Variants in GRID1 observed in about 807,000 individuals in gnomAD.
GRID1 encodes glutamate receptor ionotropic, delta-1.
A neutral mutation model predicts 98.0 loss-of-function variants in GRID1; 28 were observed. The observed-to-expected ratio is 0.29, with a 90% CI of 0.21 to 0.39. The LOEUF (loss-of-function observed/expected upper bound fraction) is 0.39. Among genes scored for constraint, GRID1 ranks in the 10% least tolerant of loss-of-function variants. The pLI is 1.00. For synonymous variants in GRID1, 553 were observed against 538.5 expected (o/e 1.03, Z -0.37); for missense variants, 1,111 against 1,340.5 (o/e 0.83, Z 2.67).
At chr10:85,727,601 G>A (rs1444866221) in intron 10 of GRID1, among the ~76,000 whole-genome samples, 1 of 152,186 alleles carries the variant, frequency 6.6e-6, no homozygotes, top group Admixed American at 6.5e-5. Flanking sequence ...AGTAGGCACA[G>A]TGGATGATAG....
At chr10:86,100,137 G>A (rs964631206) in intron 4 of GRID1, among the ~76,000 whole-genome samples, 14 of 152,124 alleles carry the variant, frequency 9.2e-5, no homozygotes, top group Non-Finnish European at 1.5e-5. Flanking sequence ...ATGCCTCAGC[G>A]CCTTATCTCT....
intron 2 of GRID1, among the ~76,000 whole-genome samples, chr10:86,263,833 C>G (rs1013807290): frequency 6.6e-6 from 1 of 152,252 alleles, no homozygotes; most frequent in Non-Finnish European, 1.5e-5. Context: ...CACTGGGTTT[C>G]CCCACCTCAA....
chr10:86,340,556 G>A (rs1848296322), intron 2 of GRID1, among the ~76,000 whole-genome samples: 1 of 152,194 alleles, frequency 6.6e-6, no homozygotes, highest in Non-Finnish European at 1.5e-5. Context: ...GCATGCACTT[G>A]GGAACTCTGC....
intron 5 of GRID1, among the ~76,000 whole-genome samples, chr10:85,901,714 A>G (rs1243157224): frequency 6.6e-6 from 1 of 152,190 alleles, no homozygotes; most frequent in South Asian, 2.1e-4. Flanking sequence ...AATCATATCC[A>G]TGGTGTGTTC....
At chr10:86,203,953 T>G (rs1025615530) in intron 3 of GRID1, among the ~76,000 whole-genome samples, 2 of 152,126 alleles carry the variant, frequency 1.3e-5, no homozygotes, top group Non-Finnish European at 2.9e-5. Flanking sequence ...GTCCTCCAGA[T>G]GAAAGCTACT....
chr10:86,313,802 C>T (rs77338916), intron 2 of GRID1, among the ~76,000 whole-genome samples: 11,026 of 152,260 alleles, frequency 0.072, 917 homozygotes, highest in East Asian at 0.48. Context: ...CATCCCCAGC[C>T]CCCAGACTGG....
At chr10:86,050,258 C>T (rs1843482826) in intron 4 of GRID1, among the ~76,000 whole-genome samples, 1 of 152,170 alleles carries the variant, frequency 6.6e-6, no homozygotes, top group Non-Finnish European at 1.5e-5. Context: ...TCTCTATTGG[C>T]AAAACCTACT....
intron 4 of GRID1, among the ~76,000 whole-genome samples, chr10:85,990,797 A>T (rs1842670569): frequency 6.6e-6 from 1 of 152,300 alleles, no homozygotes; most frequent in Admixed American, 6.5e-5. Context: ...ACAGGAAGTG[A>T]TGTGCTCACA....
intron 8 of GRID1, among the ~76,000 whole-genome samples, chr10:85,787,600 T>C (rs1842441142): frequency 6.6e-6 from 1 of 152,126 alleles, no homozygotes; most frequent in South Asian, 2.1e-4. Flanking sequence ...CCATTTCCCT[T>C]CCAAGAGCCT....
chr10:86,133,715 A>T (rs1844872808), intron 4 of GRID1, among the ~76,000 whole-genome samples: 1 of 152,248 alleles, frequency 6.6e-6, no homozygotes, highest in Non-Finnish European at 1.5e-5. Flanking sequence ...ACTGTAGACA[A>T]GGTCCCATGC....
At position 86,050,986 on chromosome 10, in the gene GRID1, G is replaced by A. The variant is rs191364066; in HGVS notation, c.726+87833C>T. Among the ~76,000 whole-genome samples, 421 of 151,698 alleles carry A rather than the reference G, an allele frequency of 2.8e-3. 1 individual carries two copies. The highest frequency in any genetic ancestry group is 3.6e-3 in the Non-Finnish European group (243 of 67,926). ...ACATATTATTGGGAGGCTGAGGCCG[G>A]AGAATCACTTGAACCCAGGGGACAG... On this transcript the variant is annotated intron_variant, in intron 4 of 15. Coordinates refer to ENST00000327946, the MANE Select transcript of GRID1 (RefSeq NM_017551.3).
chr10:85,688,757 G>A (rs1227909972), intron 12 of GRID1, among the ~76,000 whole-genome samples: 1 of 152,140 alleles, frequency 6.6e-6, no homozygotes, highest in Non-Finnish European at 1.5e-5. Flanking sequence ...ATGGTTTAGG[G>A]TCGCGCTAAT....
intron 2 of GRID1, among the ~76,000 whole-genome samples, chr10:86,293,100 G>A (rs1284638377): frequency 6.6e-6 from 1 of 152,222 alleles, no homozygotes; most frequent in Non-Finnish European, 1.5e-5. Flanking sequence ...AGCTGTGCCG[G>A]CGCTGCCTCT....
At chr10:85,714,180 T>A (rs1445805441) in intron 12 of GRID1, among the ~76,000 whole-genome samples, 2 of 152,000 alleles carry the variant, frequency 1.3e-5, no homozygotes, top group Admixed American at 6.6e-5. Context: ...CACATGTTTT[T>A]ACTTATAAAT....
rs1841450410 is a variant in GRID1 at position 85,905,623 on chromosome 10, C to T, written c.780+10563G>A. On this transcript the variant is annotated intron_variant, in intron 5 of 15. Coordinates refer to ENST00000327946, the MANE Select transcript of GRID1 (RefSeq NM_017551.3). ...CAATTACATTGAGTCGGGAGGGTAA[C>T]ACGGAGGGATACTATTGTAAGATAC... is the stretch of plus-strand genomic sequence containing the variant. Among the ~76,000 whole-genome samples, 10 of 152,008 alleles carry T rather than the reference C, an allele frequency of 6.6e-5. No individual in the cohort carries two copies. In the South Asian group the frequency reaches 2.1e-3, roughly 32 times the overall value.
At chr10:85,742,721 T>G (rs901689525) in intron 8 of GRID1, among the ~76,000 whole-genome samples, 1 of 152,162 alleles carries the variant, frequency 6.6e-6, no homozygotes, top group African/African-American at 2.4e-5. Flanking sequence ...CCATCCCACA[T>G]GCTCTTCTGT....
chr10:86,316,985 T>C (rs918478097), intron 2 of GRID1, among the ~76,000 whole-genome samples: 9 of 152,046 alleles, frequency 5.9e-5, no homozygotes, highest in African/African-American at 1.9e-4. Flanking sequence ...GTGGGGGTGT[T>C]GGGACAGGAA....
At chr10:85,662,181 G>A (rs1276370318) in intron 12 of GRID1, among the ~76,000 whole-genome samples, 2 of 152,182 alleles carry the variant, frequency 1.3e-5, no homozygotes, top group African/African-American at 4.8e-5. Context: ...GTGGATGAAT[G>A]ATGTATAAGA....
At chr10:85,958,297 C>A (rs1842220645) in intron 4 of GRID1, among the ~76,000 whole-genome samples, 1 of 152,232 alleles carries the variant, frequency 6.6e-6, no homozygotes, top group Non-Finnish European at 1.5e-5. Context: ...GCCCCTCACC[C>A]ACAGGTGCCC....
Sources: gnomAD v4.1 joint callset for allele counts (sites outside exome capture counted in the v4.1 genomes callset) on GRCh38, gnomAD v4.1.1 for gene constraint, MANE v1.5 for transcripts, NCBI Gene and HGNC (gene_info 2026-07-23, HGNC 2026-07-21) for gene names.